The following ATL2 variants were observed in gnomAD, a reference collection of about 807,000 sequenced individuals.
ATL2 encodes atlastin GTPase 2.
ATL2 carries 31 observed loss-of-function variants against 73.9 expected under a neutral mutation model. The ratio of observed to expected loss-of-function variants is 0.42; its 90% CI spans 0.32 to 0.57. The LOEUF (loss-of-function observed/expected upper bound fraction) is 0.57, where lower values mean the gene tolerates loss of function less well. Ranked by LOEUF, ATL2 falls within the 20% of genes least tolerant of loss-of-function variation. The pLI, the probability that ATL2 is intolerant of heterozygous loss-of-function variation, is 0.14. For missense variants in ATL2, 738 were observed against 702.6 expected (o/e 1.05, Z -0.57); for synonymous variants, 291 against 237.5 (o/e 1.23, Z -2.07).
At chr2:38,365,023 T>G (rs887133472) in intron 1 of ATL2, among the ~76,000 whole-genome samples, 5 of 147,802 alleles carry the variant, frequency 3.4e-5, no homozygotes, top group South Asian at 4.3e-4. Context: ...CAGCCTGGGG[T>G]ACAGAGCGAG....
intron 9 of ATL2, among the ~76,000 whole-genome samples, chr2:38,301,282 C>A (rs1573426349): frequency 1.3e-5 from 2 of 152,140 alleles, no homozygotes; most frequent in South Asian, 2.1e-4. Context: ...TCTCAACTTT[C>A]CACTGACAAG....
At chr2:38,377,032 T>G (rs1043384298) in intron 1 of ATL2, 111 bp downstream of exon 1, 3 of 984,168 alleles carry the variant, frequency 3.0e-6, no homozygotes, top group Admixed American at 5.9e-5. Context: ...GGAGGAGACC[T>G]GAACCAGCCG....
chr2:38,357,997 T>A (rs150944324), intron 1 of ATL2, among the ~76,000 whole-genome samples: 1 of 152,320 alleles, frequency 6.6e-6, no homozygotes, highest in African/African-American at 2.4e-5. Flanking sequence ...CTAGTCAAGC[T>A]TAACATGAAT....
upstream of ATL2, among the ~76,000 whole-genome samples, chr2:38,377,622 A>G (rs1024135473): frequency 1.3e-5 from 2 of 152,144 alleles, no homozygotes; most frequent in African/African-American, 4.8e-5. Context: ...CAAACGCAGA[A>G]GGGAGCTCCA....
intron 7 of ATL2, among the ~76,000 whole-genome samples, chr2:38,312,337 G>A (rs1667798136): frequency 6.6e-6 from 1 of 152,178 alleles, no homozygotes; most frequent in Non-Finnish European, 1.5e-5. Context: ...TTAACAGTGA[G>A]TGAGTTATCA....
At chr2:38,300,971 C>CTTTTTT (rs1325860466) in intron 9 of ATL2, among the ~76,000 whole-genome samples, 14 of 143,872 alleles carry the variant, frequency 9.7e-5, no homozygotes, top group African/African-American at 3.4e-4. Context: ...TTCATCTCAA[C>CTTTTTT]TTTCTTTTTT....
At chr2:38,330,028 C>G (rs949513508) in intron 2 of ATL2, among the ~76,000 whole-genome samples, 7 of 151,830 alleles carry the variant, frequency 4.6e-5, no homozygotes, top group African/African-American at 1.7e-4. Context: ...ACTGTGGAGG[C>G]TGAGGCAGGA....
In ATL2 at chr2:38,309,495, C is replaced by T; in HGVS notation, c.955G>A (p.Asp319Asn). The T allele has an allele frequency of 6.2e-7, 1 of 1,610,208 alleles. No individual in the cohort carries two copies. The highest frequency in any genetic ancestry group is 8.5e-7 in the Non-Finnish European group (1 of 1,179,238). ...FDGRLKDIDE[D>N]FKRELRNLVP... ...AGATTTCGAAGCTCTCGTTTAAAGTCTTCATCAATATCTAGAAAACAAAAA... is the reference window on the plus strand; with the variant it reads ...AGATTTCGAAGCTCTCGTTTAAAGTTTTCATCAATATCTAGAAAACAAAAA... Residue 319 changes from aspartate (D) to asparagine (N), a missense_variant, in exon 9 of 13, where the codon GAC (aspartate) becomes AAC (asparagine). Asp to Asn is a conservative substitution (Grantham distance 23). Coordinates refer to ENST00000378954, the MANE Select transcript of ATL2 (RefSeq NM_001135673.4).
intron 1 of ATL2, among the ~76,000 whole-genome samples, chr2:38,371,061 T>C (rs2124499783): frequency 6.6e-6 from 1 of 152,242 alleles, no homozygotes; most frequent in East Asian, 1.9e-4. Flanking sequence ...AAACCAACTT[T>C]TGGCATCCCA....
chr2:38,321,809 C>A (rs538367633), intron 2 of ATL2, among the ~76,000 whole-genome samples: 33 of 152,138 alleles, frequency 2.2e-4, no homozygotes, highest in African/African-American at 7.2e-4. Flanking sequence ...TCCTCCCGGA[C>A]TCAAAGGATC....
At chr2:38,306,933 A>G (rs909663755) in intron 9 of ATL2, among the ~76,000 whole-genome samples, 1 of 152,216 alleles carries the variant, frequency 6.6e-6, no homozygotes, top group Non-Finnish European at 1.5e-5. Context: ...GCTTCAATAA[A>G]TGGTGCTGGG....
chr2:38,349,441 C>T (rs1670215780), intron 1 of ATL2, among the ~76,000 whole-genome samples: 1 of 144,454 alleles, frequency 6.9e-6, no homozygotes, highest in African/African-American at 2.6e-5. Context: ...CCAAACACCG[C>T]ATGTTCTCAC....
intron 1 of ATL2, among the ~76,000 whole-genome samples, chr2:38,352,449 T>C (rs1054883918): frequency 1.5e-4 from 23 of 152,106 alleles, no homozygotes; most frequent in African/African-American, 4.6e-4. Context: ...TTCCTAACTA[T>C]AGAGTGAAGA....
intron 2 of ATL2, among the ~76,000 whole-genome samples, chr2:38,321,452 C>A (rs778439840): frequency 2.0e-5 from 3 of 152,046 alleles, no homozygotes; most frequent in Admixed American, 1.3e-4. Context: ...CAGGAGGCAC[C>A]CTTCACAGGA....
In ATL2 at chr2:38,297,958, T is replaced by C. The variant is rs1249736453; in HGVS notation, c.1632+186A>G. On this transcript the variant is annotated intron_variant, in intron 12 of 12. Transcript: ENST00000378954. Reference sequence around the variant, plus strand: ...TAGTACAGATTTAGGCTAACCAAAGTACATTAAAATTATAACTTTAAAGAA... The same window carrying C: ...TAGTACAGATTTAGGCTAACCAAAGCACATTAAAATTATAACTTTAAAGAA... 8.2e-6 allele frequency: 5 copies of C among 608,502 alleles called. No homozygotes were observed. In the African/African-American group the frequency reaches 9.3e-5, roughly 11 times the overall value. 37.7% of individuals were successfully genotyped at this position (608,502 alleles called of 1,614,324 possible).
Position 38,377,021 on chromosome 2 carries a change from G to A in ATL2, c.118+122C>T, listed in dbSNP as rs891630988. The A allele has an allele frequency of 1.2e-5, 9 of 742,670 alleles. No individual in the cohort carries two copies. The African/African-American group carries it at 1.5e-4, about 13-fold the overall frequency. 46.0% of individuals were successfully genotyped at this position (742,670 alleles called of 1,614,324 possible). On this transcript the variant is annotated intron_variant, in intron 1 of 12. Transcript: ENST00000378954. ...AGGCCCGGCGGGCAGGCGCGGCGGC[G>A]GGAGGAGACCTGAACCAGCCGCGGA...
At chr2:38,312,688 A>G (rs1029156721) in intron 7 of ATL2, among the ~76,000 whole-genome samples, 6 of 149,248 alleles carry the variant, frequency 4.0e-5, no homozygotes, top group African/African-American at 1.5e-4. Context: ...CAGCCCAGGC[A>G]ATAGTGTGAG....
chr2:38,355,662 A>C (rs1466843038), intron 1 of ATL2, among the ~76,000 whole-genome samples: 1 of 152,022 alleles, frequency 6.6e-6, no homozygotes, highest in Non-Finnish European at 1.5e-5. Flanking sequence ...CAGAGAACTA[A>C]AAAGAAAAAC....
At position 38,310,386 on chromosome 2, in the gene ATL2, G is replaced by A. The variant is rs1037781965; in HGVS notation, c.866C>T (p.Ser289Leu). 3 of 1,611,826 alleles carry A rather than the reference G, an allele frequency of 1.9e-6. No homozygotes were observed. In the African/African-American group the frequency reaches 4.0e-5, roughly 22 times the overall value. The change falls in exon 8 of 13, where the codon TCA (serine) becomes TTA (leucine). Residue 289 changes from serine (S) to leucine (L), a missense_variant. Ser to Leu is a moderately radical substitution (Grantham distance 145). Coordinates refer to ENST00000378954, the MANE Select transcript of ATL2 (RefSeq NM_001135673.4). ...NVRKHIHNCF[S>L]NLGCFLLPHP... ...TGGCAAAAGGAAGCAACCAAGATTT[G>A]AGAAACAATTGTGTATGTGCTTCCT...
Sources: allele counts gnomAD v4.1 joint callset (sites outside exome capture counted in the v4.1 genomes callset), GRCh38; gene constraint gnomAD v4.1.1; transcripts MANE v1.5; gene names NCBI Gene and HGNC (gene_info 2026-07-23, HGNC 2026-07-21).